The following SV2C variants were observed in gnomAD, a reference collection of about 807,000 sequenced individuals.
SV2C encodes synaptic vesicle glycoprotein 2C, also known as solute carrier family 22 member B3.
In SV2C, 49 loss-of-function variants were observed where a neutral mutation model predicts 79.7. That is an observed-to-expected ratio of 0.61 (90% confidence interval 0.49 to 0.78). The LOEUF is 0.78. Among genes scored for constraint, SV2C ranks in the 30% least tolerant of loss-of-function variants. The pLI, the probability that SV2C is intolerant of heterozygous loss-of-function variation, is 0.00. For missense variants in SV2C, 833 were observed against 912.9 expected (o/e 0.91, Z 1.13); for synonymous variants, 334 against 333.2 (o/e 1.00, Z -0.03).
intron 3 of SV2C, 152 bp downstream of exon 3, chr5:76,195,251 A>G (rs991123609): frequency 1.8e-5 from 14 of 774,406 alleles, no homozygotes; most frequent in African/African-American, 3.5e-5. Context: ...GTTCTTAGAA[A>G]TATAATTATC....
intron 3 of SV2C, among the ~76,000 whole-genome samples, chr5:76,208,082 T>G (rs1475543822): frequency 1.3e-5 from 2 of 152,140 alleles, no homozygotes; most frequent in African/African-American, 4.8e-5. Flanking sequence ...TCTAAGAATT[T>G]TAGGTAGAAC....
At chr5:76,093,023 A>C (rs184320243) in intron 1 of SV2C, among the ~76,000 whole-genome samples, 3 of 152,328 alleles carry the variant, frequency 2.0e-5, no homozygotes, top group Admixed American at 2.0e-4. Flanking sequence ...CACTGGACAC[A>C]TAGGGGCTGG....
At chr5:75,863,615 T>C in the SV2C span, among the ~76,000 whole-genome samples, 1 of 152,354 alleles carries the variant, frequency 6.6e-6, no homozygotes, top group East Asian at 1.9e-4. Context: ...TACATTCAGC[T>C]GCTCTCGTTC....
the SV2C span, among the ~76,000 whole-genome samples, chr5:76,016,235 G>C: frequency 1.5e-5 from 1 of 67,400 alleles, no homozygotes; most frequent in Non-Finnish European, 2.7e-5. Context: ...AAAGAGGAAG[G>C]TCTCCTTTTT....
chr5:76,234,465 TTCCGGAGTTTTTAC>T (rs58416070), intron 4 of SV2C, among the ~76,000 whole-genome samples: 17,904 of 152,244 alleles, frequency 0.12, 3,061 homozygotes, highest in African/African-American at 0.38. Context: ...GAGGAAAGTT[TTCCGGAGTTTTTAC>T]TCAGTAAGAA....
At chr5:75,893,684 C>A in the SV2C span, among the ~76,000 whole-genome samples, 5 of 152,086 alleles carry the variant, frequency 3.3e-5, no homozygotes, top group Non-Finnish European at 5.9e-5. Flanking sequence ...GTATCCCAAA[C>A]CTCTGCATCA....
At chr5:75,955,777 C>CA in the SV2C span, among the ~76,000 whole-genome samples, 1 of 149,432 alleles carries the variant, frequency 6.7e-6, no homozygotes, top group African/African-American at 2.5e-5. Context: ...TTTATGCAGC[C>CA]AAAAAACACG....
chr5:76,059,297 A>T, the SV2C span, among the ~76,000 whole-genome samples: 1 of 152,100 alleles, frequency 6.6e-6, no homozygotes, highest in Non-Finnish European at 1.5e-5. Flanking sequence ...CCTTTCACAA[A>T]GGATTTCTCT....
Position 76,235,867 on chromosome 5 carries a change from G to A in SV2C, c.913+25980G>A, listed in dbSNP as rs4704299. The stretch of plus-strand genomic sequence containing the variant: ...GCATGACTCTTTTTGCATCTAAATT[G>A]ATTAAAATAGAGAACAGTTGGTGAT... On this transcript the variant is annotated intron_variant, in intron 4 of 12. Transcript: ENST00000502798. Among the ~76,000 whole-genome samples the A allele has an allele frequency of 3.1e-3, 477 of 152,070 alleles. 7 individuals are homozygous for A. The highest frequency in any genetic ancestry group is 0.026 in the Admixed American group (401 of 15,266).
chr5:75,956,595 C>G, the SV2C span, among the ~76,000 whole-genome samples: 3 of 151,770 alleles, frequency 2.0e-5, no homozygotes, highest in Non-Finnish European at 4.4e-5. Context: ...TGGAGGGTAG[C>G]TCGGGTTGAA....
chr5:76,256,567 T>C (rs1323546972), intron 4 of SV2C, among the ~76,000 whole-genome samples: 3 of 152,234 alleles, frequency 2.0e-5, no homozygotes, highest in Non-Finnish European at 4.4e-5. Flanking sequence ...CACTCTTAAT[T>C]TTCTGCAGAA....
intron 2 of SV2C, among the ~76,000 whole-genome samples, chr5:76,160,931 G>A (rs933431833): frequency 3.4e-5 from 5 of 145,390 alleles, no homozygotes. Context: ...ACTGCTGGTG[G>A]GAATGTAAAA....
the SV2C span, among the ~76,000 whole-genome samples, chr5:76,045,379 T>A: frequency 6.6e-6 from 1 of 152,206 alleles, no homozygotes; most frequent in Non-Finnish European, 1.5e-5. Flanking sequence ...TTGCTTAGGA[T>A]TGTCTTGGCT....
chr5:76,320,974 C>A (rs2913254), intron 12 of SV2C, among the ~76,000 whole-genome samples: 55,480 of 151,952 alleles, frequency 0.37, 10,610 homozygotes, highest in East Asian at 0.55. Context: ...GTGCTTACTG[C>A]CCTTTATTAG....
the SV2C span, among the ~76,000 whole-genome samples, chr5:76,071,186 TG>T: frequency 6.6e-6 from 1 of 152,204 alleles, no homozygotes; most frequent in Non-Finnish European, 1.5e-5. Flanking sequence ...AATGCCAAAA[TG>T]GGGCTTCCTT....
At chr5:76,250,732 C>G (rs1161174244) in intron 4 of SV2C, among the ~76,000 whole-genome samples, 2 of 152,184 alleles carry the variant, frequency 1.3e-5, no homozygotes, top group African/African-American at 4.8e-5. Flanking sequence ...ACTGGCTATG[C>G]TGGCTCAGTA....
At chr5:76,033,308 A>G in the SV2C span, among the ~76,000 whole-genome samples, 1 of 152,118 alleles carries the variant, frequency 6.6e-6, no homozygotes, top group Non-Finnish European at 1.5e-5. Flanking sequence ...TGTTTTAGAC[A>G]TGAAGTCCTT....
At chr5:76,242,640 G>T (rs1461612344) in intron 4 of SV2C, among the ~76,000 whole-genome samples, 3 of 152,116 alleles carry the variant, frequency 2.0e-5, no homozygotes, top group African/African-American at 7.2e-5. Context: ...CAGATAGTGG[G>T]TACAGGGCTA....
chr5:76,151,570 G>A (rs1749606895), intron 2 of SV2C, among the ~76,000 whole-genome samples: 1 of 152,130 alleles, frequency 6.6e-6, no homozygotes, highest in East Asian at 1.9e-4. Context: ...AGGTGTTTAT[G>A]GGCAAATTCC....
Sources: gnomAD v4.1 joint callset for allele counts (sites outside exome capture counted in the v4.1 genomes callset) on GRCh38, gnomAD v4.1.1 for gene constraint, MANE v1.5 for transcripts, NCBI Gene and HGNC (gene_info 2026-07-23, HGNC 2026-07-21) for gene names.